CTNNA3: variants seen among roughly 807,000 people sequenced by gnomAD.
The protein encoded by CTNNA3 is catenin alpha-3.
In CTNNA3, 76 loss-of-function variants were observed where a neutral mutation model predicts 95.7. The ratio of observed to expected loss-of-function variants is 0.79; its 90% CI spans 0.66 to 0.96. The LOEUF is 0.96. CTNNA3 is among the 40% of genes least tolerant of loss of function. CTNNA3 has a pLI of 0.00. For synonymous variants in CTNNA3, 431 were observed against 374.4 expected (o/e 1.15, Z -1.74); for missense variants, 1,191 against 1,089.8 (o/e 1.09, Z -1.31).
At chr10:66,299,819 T>A (rs2091834802) in intron 12 of CTNNA3, among the ~76,000 whole-genome samples, 1 of 152,156 alleles carries the variant, frequency 6.6e-6, no homozygotes, top group Admixed American at 6.5e-5. Flanking sequence ...ATTTCCAGAC[T>A]TAAGAAATTT....
intron 15 of CTNNA3, among the ~76,000 whole-genome samples, chr10:66,011,359 A>C (rs2079001649): frequency 6.7e-6 from 1 of 149,048 alleles, no homozygotes; most frequent in Non-Finnish European, 1.5e-5. Flanking sequence ...CTTCTCCCTT[A>C]CTCCCTTCTA....
intron 1 of CTNNA3, among the ~76,000 whole-genome samples, chr10:67,702,475 T>C (rs567760712): frequency 7.0e-4 from 107 of 152,208 alleles, no homozygotes; most frequent in African/African-American, 2.5e-3. Flanking sequence ...AAGAAACTCA[T>C]TCAAAACCGC....
chr10:66,850,029 T>A (rs1330906540), intron 7 of CTNNA3, among the ~76,000 whole-genome samples: 1 of 152,108 alleles, frequency 6.6e-6, no homozygotes, highest in Non-Finnish European at 1.5e-5. Flanking sequence ...ATGGGGAAAG[T>A]CAATGTAAAA....
chr10:66,473,828 C>A (rs1053475293), intron 11 of CTNNA3, among the ~76,000 whole-genome samples: 1 of 152,008 alleles, frequency 6.6e-6, no homozygotes, highest in Non-Finnish European at 1.5e-5. Flanking sequence ...ATCCATGTCC[C>A]TACAAAGGAC....
At chr10:66,543,041 C>T (rs989628848) in intron 10 of CTNNA3, among the ~76,000 whole-genome samples, 1 of 151,866 alleles carries the variant, frequency 6.6e-6, no homozygotes, top group Non-Finnish European at 1.5e-5. Context: ...TAAATAAACA[C>T]CATATAGTAA....
chr10:67,097,802 A>G, intron 7 of CTNNA3: 2 of 1,611,910 alleles, frequency 1.2e-6, no homozygotes, highest in Non-Finnish European at 1.7e-6. Flanking sequence ...CTTAACTGAG[A>G]TCATTGGTAG....
chr10:66,137,259 T>C lies in CTNNA3; in HGVS notation c.1885-34010A>G, dbSNP rs190913000. Reference sequence around the variant, plus strand: ...CAATGAGGATACAATATCAGCTTCATAGCACTTCTACAAAAGATATTTAAT... The same window carrying C: ...CAATGAGGATACAATATCAGCTTCACAGCACTTCTACAAAAGATATTTAAT... On this transcript the variant is annotated intron_variant, in intron 13 of 17. Coordinates refer to ENST00000433211, the MANE Select transcript of CTNNA3 (RefSeq NM_013266.4). Among the ~76,000 whole-genome samples, 23 of 152,264 alleles carry C rather than the reference T, an allele frequency of 1.5e-4. No individual in the cohort carries two copies. In the East Asian group the frequency reaches 3.9e-3, roughly 26 times the overall value.
At chr10:66,430,663 T>C (rs1198389231) in intron 11 of CTNNA3, among the ~76,000 whole-genome samples, 2 of 152,218 alleles carry the variant, frequency 1.3e-5, no homozygotes, top group African/African-American at 4.8e-5. Context: ...AAGGATTCCT[T>C]ATTTAATAAA....
intron 17 of CTNNA3, among the ~76,000 whole-genome samples, chr10:65,960,116 A>G (rs2077812722): frequency 6.6e-6 from 1 of 152,058 alleles, no homozygotes. Context: ...ACAGAAAACT[A>G]CTCTTTCCAT....
intron 5 of CTNNA3, among the ~76,000 whole-genome samples, chr10:67,400,571 T>A (rs1388876307): frequency 6.6e-6 from 1 of 152,164 alleles, no homozygotes; most frequent in South Asian, 2.1e-4. Context: ...TGTTTGGTAA[T>A]CAAAGGCTTA....
chr10:66,774,261 G>A lies in CTNNA3; in HGVS notation c.1128+1183C>T, dbSNP rs79309538. Among the ~76,000 whole-genome samples, 951 of 152,204 alleles carry A rather than the reference G, an allele frequency of 6.2e-3. 10 individuals are homozygous for A. Among genetic ancestry groups the A allele is most frequent in the African/African-American group, 0.022 (916 of 41,522 alleles). On this transcript the variant is annotated intron_variant, in intron 8 of 17. Transcript: ENST00000433211. Reference sequence around the variant, plus strand: ...CAGATGGGGTAGAAATCCTGAAGACGATGGAGAATAGGGATCATTCCACGA... The same window carrying A: ...CAGATGGGGTAGAAATCCTGAAGACAATGGAGAATAGGGATCATTCCACGA...
intron 15 of CTNNA3, among the ~76,000 whole-genome samples, chr10:66,062,888 A>G (rs2080231174): frequency 2.0e-5 from 3 of 151,964 alleles, no homozygotes; most frequent in African/African-American, 7.2e-5. Flanking sequence ...CCCTTCTAAC[A>G]CCCCAGCTAC....
intron 7 of CTNNA3, among the ~76,000 whole-genome samples, chr10:66,935,130 T>C (rs190772054): frequency 3.3e-5 from 5 of 152,250 alleles, no homozygotes; most frequent in African/African-American, 1.2e-4. Flanking sequence ...AGAGCCCTCA[T>C]ATTGACTGTC....
At chr10:67,254,487 C>T (rs773984053) in intron 5 of CTNNA3, among the ~76,000 whole-genome samples, 2 of 152,144 alleles carry the variant, frequency 1.3e-5, no homozygotes, top group Non-Finnish European at 2.9e-5. Flanking sequence ...AGGATTGCTA[C>T]TACAGATGGC....
At chr10:66,710,545 T>C (rs535006235) in intron 9 of CTNNA3, among the ~76,000 whole-genome samples, 41 of 152,002 alleles carry the variant, frequency 2.7e-4, no homozygotes, top group African/African-American at 9.6e-4. Flanking sequence ...ATTATCTTTG[T>C]GATAATGAAG....
intron 1 of CTNNA3, chr10:67,750,307 T>C: frequency 1.3e-6 from 2 of 1,522,964 alleles, no homozygotes; most frequent in South Asian, 2.2e-5. Context: ...TGGAGCTCAA[T>C]ACCAAAGCCA....
chr10:65,986,450 C>G (rs2078430097), intron 16 of CTNNA3, among the ~76,000 whole-genome samples: 1 of 150,984 alleles, frequency 6.6e-6, no homozygotes. Context: ...AGAAATCAGG[C>G]AAGCAATCCT....
At chr10:66,330,911 T>C (rs2092318493) in intron 12 of CTNNA3, among the ~76,000 whole-genome samples, 1 of 152,090 alleles carries the variant, frequency 6.6e-6, no homozygotes, top group African/African-American at 2.4e-5. Flanking sequence ...CACTTTTTGA[T>C]GGGGTGGTTT....
chr10:66,578,925 T>C (rs1040825547), intron 10 of CTNNA3, among the ~76,000 whole-genome samples: 1 of 151,742 alleles, frequency 6.6e-6, no homozygotes, highest in African/African-American at 2.4e-5. Flanking sequence ...AGCTGTTTTT[T>C]GTATGTCTGG....
Sources: gnomAD v4.1 joint callset for allele counts (sites outside exome capture counted in the v4.1 genomes callset) on GRCh38, gnomAD v4.1.1 for gene constraint, MANE v1.5 for transcripts, NCBI Gene and HGNC (gene_info 2026-07-23, HGNC 2026-07-21) for gene names.